Variants in ZBED6 observed in about 807,000 individuals in gnomAD.
ZBED6 encodes zinc finger BED-type containing 6, also known as zinc finger BED domain-containing protein 6.
In ZBED6, 40 loss-of-function variants were observed where a neutral mutation model predicts 58.4. The observed-to-expected ratio is 0.68, with a 90% CI of 0.53 to 0.89. The LOEUF (loss-of-function observed/expected upper bound fraction) is 0.89, where lower values mean the gene tolerates loss of function less well. Among genes scored for constraint, ZBED6 ranks in the 40% least tolerant of loss-of-function variants. The probability of loss-of-function intolerance (pLI) is 0.00; values close to 1 mark genes in which losing one functional copy is unlikely to be tolerated. For missense variants in ZBED6, 1,057 were observed against 1,003.9 expected (o/e 1.05, Z -0.71); for synonymous variants, 439 against 350.6 (o/e 1.25, Z -2.82).
At chr1:203,795,945 C>T (rs554015293) in exon 1 of ZBED6, 1 of 151,802 alleles carries the variant, frequency 6.6e-6, no homozygotes, top group East Asian at 2.0e-4. Context: ...CCGTAACGAC[C>T]CCTCCCCCCC....
chr1:203,800,548 T>C, exon 1 of ZBED6: 2 of 1,249,652 alleles, frequency 1.6e-6, no homozygotes, highest in Non-Finnish European at 2.1e-6. Flanking sequence ...ATCATTATCT[T>C]TATAAACACA....
exon 6 of ZBED6, chr1:203,829,815 C>T (rs1037550198): frequency 3.7e-6 from 6 of 1,613,938 alleles, no homozygotes; most frequent in Non-Finnish European, 5.1e-6. Context: ...AACCAAAACA[C>T]CTACCCTGCA....
In ZBED6 at chr1:203,799,164, G is replaced by T. The variant is rs1411945182; in HGVS notation, c.1642G>T (p.Gly548Cys). 3 of 1,425,374 alleles carry T rather than the reference G, an allele frequency of 2.1e-6. No homozygotes were observed. The South Asian group carries it at 3.7e-5, about 17-fold the overall frequency. The allele number at this position is 1,425,374 out of a possible 1,614,324, so 88.3% of individuals were successfully genotyped here. A position where few individuals can be genotyped will look rare whatever the true frequency, so the allele number is the denominator to read the frequency against. Residue 548 changes from glycine to cysteine, a missense_variant, in exon 1 of 17, where the codon GGT becomes TGT. By Grantham distance (159) the Gly-to-Cys change is radical. Coordinates refer to ENST00000550078, the Ensembl canonical transcript of ZBED6. ...TTTACAAGAATTAAATGACCAGATT[G>T]GTCTGTGGCTTTCTCCAAATTTCCT...
chr1:203,841,160 T>A (rs987088100), intron 11 of ZBED6, among the ~76,000 whole-genome samples: 1 of 150,436 alleles, frequency 6.6e-6, no homozygotes, highest in South Asian at 2.1e-4. Context: ...TTTTTTTATT[T>A]TTTTTTTTAG....
intron 1 of ZBED6, among the ~76,000 whole-genome samples, chr1:203,812,495 G>A (rs7545713): frequency 0.98 from 148,956 of 151,890 alleles, 73,108 homozygotes; most frequent in East Asian, 1. Flanking sequence ...CATGTTTTGT[G>A]TTTTTTTCAG....
At chr1:203,796,377 T>A (rs1558084271) in exon 1 of ZBED6, 1 of 398,724 alleles carries the variant, frequency 2.5e-6, no homozygotes, top group Non-Finnish European at 4.4e-6. Context: ...CATTCCCCAC[T>A]CTCATTACAC....
chr1:203,799,239 AT>A lies in ZBED6; in HGVS notation c.1718del (p.Ile573ThrfsTer16). ...CAATTCCTCTAATGTGGTACATGCA[AT>A]CAAAGATGGTGGTTTTACCCATGTG... On this transcript the variant is annotated frameshift_variant, in exon 1 of 17. Coordinates refer to ENST00000550078, the Ensembl canonical transcript of ZBED6. LOFTEE classifies it high-confidence loss of function. 1.2e-6 allele frequency: 1 copy of A among 846,660 alleles called. No homozygotes were observed. The highest frequency in any genetic ancestry group is 1.9e-6 in the Non-Finnish European group (1 of 516,600). 52.4% of individuals were successfully genotyped at this position (846,660 alleles called of 1,614,324 possible). A position where few individuals can be genotyped will look rare whatever the true frequency, so the allele number is the denominator to read the frequency against.
At chr1:203,830,899 T>C (rs938112486) in intron 7 of ZBED6, among the ~76,000 whole-genome samples, 4 of 149,020 alleles carry the variant, frequency 2.7e-5, no homozygotes, top group Non-Finnish European at 5.9e-5. Flanking sequence ...TACGTCAGCC[T>C]GATTGCTCTG....
intron 10 of ZBED6, among the ~76,000 whole-genome samples, chr1:203,839,504 G>GA (rs1685425613): frequency 6.6e-6 from 1 of 152,092 alleles, no homozygotes; most frequent in African/African-American, 2.4e-5. Flanking sequence ...TTTGAAATAA[G>GA]AAACTTCTTT....
At chr1:203,842,341 A>G (rs912823095) in intron 11 of ZBED6, among the ~76,000 whole-genome samples, 1 of 152,220 alleles carries the variant, frequency 6.6e-6, no homozygotes, top group Non-Finnish European at 1.5e-5. Flanking sequence ...CTCCGTCTGC[A>G]ATCCCGGCAC....
chr1:203,811,828 T>C lies in ZBED6; in HGVS notation c.*2555-5098T>C, dbSNP rs144042437. 2.4e-3 allele frequency among the ~76,000 whole-genome samples: 369 copies of C among 151,956 alleles called. 9 individuals carry two copies. In the East Asian group the frequency reaches 0.063, roughly 26 times the overall value. On this transcript the variant is annotated intron_variant, in intron 1 of 16. Coordinates refer to ENST00000550078, the Ensembl canonical transcript of ZBED6. ...CAGATAGCTTTGTCTTTTTCTTTTT[T>C]TTTTTTTTTAGACAGGTCTCACTGT...
At chr1:203,828,481 A>G in intron 4 of ZBED6, 59 bp downstream of exon 4, 1 of 1,541,932 alleles carries the variant, frequency 6.5e-7, no homozygotes, top group Non-Finnish European at 8.8e-7. Flanking sequence ...TGCACACTGT[A>G]CAACAGTACT....
Position 203,818,325 on chromosome 1 carries a change from C to CAAAAGTGAAAAGGCACGTGGCA in ZBED6, c.*2754-243_*2754-242insAAGTGAAAAGGCACGTGGCAAA, listed in dbSNP as rs1486214691. Among the ~76,000 whole-genome samples the CAAAAGTGAAAAGGCACGTGGCA allele has an allele frequency of 3.7e-3, 554 of 150,830 alleles. 4 individuals are homozygous for CAAAAGTGAAAAGGCACGTGGCA. Among genetic ancestry groups the CAAAAGTGAAAAGGCACGTGGCA allele is most frequent in the Non-Finnish European group, 6.7e-3 (448 of 66,996 alleles). ...ACCTAACACTCCTACTTGTCTTTTT[C>CAAAAGTGAAAAGGCACGTGGCA]AACTCTTTTTTTCAGCTTGTGTCAC... On this transcript the variant is annotated intron_variant, in intron 2 of 16. Transcript: ENST00000550078.
intron 1 of ZBED6, among the ~76,000 whole-genome samples, chr1:203,809,510 GC>G (rs1397181506): frequency 6.6e-6 from 1 of 151,982 alleles, no homozygotes; most frequent in Non-Finnish European, 1.5e-5. Context: ...TTCATTTGTA[GC>G]AATGCTATAT....
Position 203,817,016 on chromosome 1 carries a change from G to A in ZBED6, c.*2645G>A, listed in dbSNP as rs1676595321. 3 of 1,375,614 alleles carry A rather than the reference G, an allele frequency of 2.2e-6. No homozygotes were observed. The Admixed American group carries it at 6.0e-5, about 28-fold the overall frequency. The allele number at this position is 1,375,614 out of a possible 1,614,324, so 85.2% of individuals were successfully genotyped here. On this transcript the variant is annotated 3_prime_UTR_variant, in exon 2 of 17. Transcript: ENST00000550078. ...GGACTTGGAGCCTGGTCCTTGCTTTGAGGAAGCAGTGGCTTGTTTCAAGAA... is the reference window on the plus strand; with the variant it reads ...GGACTTGGAGCCTGGTCCTTGCTTTAAGGAAGCAGTGGCTTGTTTCAAGAA...
chr1:203,809,049 C>T (rs7542453), intron 1 of ZBED6, among the ~76,000 whole-genome samples: 19,182 of 151,990 alleles, frequency 0.13, 1,589 homozygotes, highest in East Asian at 0.29. Flanking sequence ...AAGCTGGTCT[C>T]GAACTCCTGA....
chr1:203,852,623 T>C, exon 17 of ZBED6: 2 of 560,656 alleles, frequency 3.6e-6, no homozygotes, highest in Non-Finnish European at 3.1e-6. Flanking sequence ...TTATCATCTT[T>C]TGAGAAAAAA....
chr1:203,810,770 G>C (rs1485508287), intron 1 of ZBED6, among the ~76,000 whole-genome samples: 1 of 152,048 alleles, frequency 6.6e-6, no homozygotes, highest in Non-Finnish European at 1.5e-5. Flanking sequence ...TAGTAAGGGA[G>C]TGTTATCTAC....
At chr1:203,839,246 T>C (rs542855551) in intron 10 of ZBED6, among the ~76,000 whole-genome samples, 2 of 152,330 alleles carry the variant, frequency 1.3e-5, no homozygotes, top group South Asian at 2.1e-4. Context: ...GGTTTCACAG[T>C]GTTGCCTAGG....
Sources: gnomAD v4.1 joint callset for allele counts (sites outside exome capture counted in the v4.1 genomes callset) on GRCh38, gnomAD v4.1.1 for gene constraint, MANE v1.5 for transcripts, NCBI Gene and HGNC (gene_info 2026-07-23, HGNC 2026-07-21) for gene names.